Variants in IL1RAPL2 observed in about 807,000 individuals in gnomAD.
The protein encoded by IL1RAPL2 is interleukin 1 receptor accessory protein like 2.
A neutral mutation model predicts 44.1 loss-of-function variants in IL1RAPL2; 3 were observed. The ratio of observed to expected loss-of-function variants is 0.07; its 90% CI spans 0.03 to 0.18. The LOEUF (loss-of-function observed/expected upper bound fraction) is 0.18. Ranked by LOEUF, IL1RAPL2 falls within the 10% of genes least tolerant of loss-of-function variation. The pLI is 1.00. For missense variants in IL1RAPL2, 391 were observed against 496.4 expected, an observed-to-expected ratio of 0.79 and a Z score of 2.02; for synonymous variants, 181 against 178.8, an observed-to-expected ratio of 1.01 and a Z score of -0.10.
intron 6 of IL1RAPL2, chrX:105,676,298 G>A (rs1443349615): frequency 1.8e-5 from 2 of 111,833 alleles, no homozygotes; most frequent in African/African-American, 6.5e-5. Flanking sequence ...CCAGACTAGA[G>A]CTCATTCACA....
intron 2 of IL1RAPL2, among the ~76,000 whole-genome samples, chrX:104,984,716 A>G (rs986933292): frequency 8.9e-6 from 1 of 112,260 alleles, no homozygotes; most frequent in African/African-American, 3.2e-5. Context: ...CAACCTAAAA[A>G]TATGTTTCAA....
chrX:105,587,499 A>G (rs964432468), intron 6 of IL1RAPL2, among the ~76,000 whole-genome samples: 7 of 110,763 alleles, frequency 6.3e-5, no homozygotes, highest in African/African-American at 2.3e-4. Context: ...TCAATTTTTA[A>G]TAGTTTACTA....
In IL1RAPL2 at chrX:105,447,108, A is replaced by AT. The variant is rs2035963967; in HGVS notation, c.698-37205_698-37204insT. Among the ~76,000 whole-genome samples, 163 of 20,564 alleles carry AT rather than the reference A, an allele frequency of 7.9e-3. 10 individuals carry two copies. The highest frequency in any genetic ancestry group is 0.028 in the African/African-American group (116 of 4,208). 17.9% of individuals were successfully genotyped at this position (20,564 alleles called of 115,157 possible). On this transcript the variant is annotated intron_variant, in intron 5 of 10. Coordinates refer to ENST00000372582, the MANE Select transcript of IL1RAPL2 (RefSeq NM_017416.2). ...ATATATATATATATATATATATATAAAAATATATATAAATATAAATATATA... is the reference window on the plus strand; with the variant it reads ...ATATATATATATATATATATATATAATAAATATATATAAATATAAATATATA...
In IL1RAPL2 at chrX:105,219,146, G is replaced by T. The variant is rs181818019; in HGVS notation, c.357-14672G>T. ...GGGTGCTCCTGATGGTCTATTCTGT[G>T]GGGCCCCCCATCAGACCACAGGCTA... On this transcript the variant is annotated intron_variant, in intron 3 of 10. Transcript: ENST00000372582. 4 of 1,211,296 alleles carry T rather than the reference G, an allele frequency of 3.3e-6. No individual in the cohort carries two copies. The Admixed American group carries it at 8.7e-5, about 26-fold the overall frequency.
At chrX:104,987,777 A>G (rs905525535) in intron 2 of IL1RAPL2, among the ~76,000 whole-genome samples, 2 of 111,214 alleles carry the variant, frequency 1.8e-5, no homozygotes, top group Non-Finnish European at 3.8e-5. Flanking sequence ...GCTTTGTGAC[A>G]GCAAATACAA....
chrX:105,630,106 CCAAACT>C (rs201214543), intron 6 of IL1RAPL2, among the ~76,000 whole-genome samples: 473 of 111,393 alleles, frequency 4.2e-3, no homozygotes, highest in Middle Eastern at 9.2e-3. Context: ...AATAAGCAAT[CCAAACT>C]CAAACTCAAA....
Position 105,159,952 on chromosome X carries a change from G to C in IL1RAPL2, c.83-35523G>C, listed in dbSNP as rs765739822. On this transcript the variant is annotated intron_variant, in intron 2 of 10. Transcript: ENST00000372582. ...GGGTTAAGTGACTTGCGGTTACTCA[G>C]CTAATAATTAGATACAGCTGACTTA... Among the ~76,000 whole-genome samples the C allele has an allele frequency of 9.7e-4, 103 of 106,449 alleles. 1 individual carries two copies. The highest frequency in any genetic ancestry group is 3.6e-3 in the African/African-American group (101 of 28,326). 92.4% of individuals were successfully genotyped at this position (106,449 alleles called of 115,157 possible).
chrX:104,944,939 G>A (rs1304915409), intron 2 of IL1RAPL2, among the ~76,000 whole-genome samples: 1 of 111,584 alleles, frequency 9.0e-6, no homozygotes, highest in Non-Finnish European at 1.9e-5. Flanking sequence ...CCTTATTTCT[G>A]TTAACTGTAA....
chrX:104,804,822 TA>T (rs1040253346), intron 2 of IL1RAPL2, among the ~76,000 whole-genome samples: 1 of 112,754 alleles, frequency 8.9e-6, no homozygotes, highest in African/African-American at 3.2e-5. Context: ...GATGATCTAT[TA>T]AATTGGGTTT....
chrX:104,753,284 C>T (rs1255135046), intron 2 of IL1RAPL2, among the ~76,000 whole-genome samples: 1 of 110,393 alleles, frequency 9.1e-6, no homozygotes, highest in African/African-American at 3.3e-5. Flanking sequence ...AAACAATCTA[C>T]ACGAGGATTT....
At chrX:105,445,509 C>CT (rs762506976) in intron 5 of IL1RAPL2, among the ~76,000 whole-genome samples, 220 of 110,561 alleles carry the variant, frequency 2.0e-3, no homozygotes, top group Admixed American at 2.4e-3. Context: ...TGAAGTTTTT[C>CT]TTTTTTTGAT....
At chrX:104,943,517 A>G (rs12838631) in intron 2 of IL1RAPL2, among the ~76,000 whole-genome samples, 2 of 111,613 alleles carry the variant, frequency 1.8e-5, no homozygotes, top group African/African-American at 6.5e-5. Flanking sequence ...AGTCACCTTG[A>G]TTAATCTTCT....
At chrX:105,158,417 T>C (rs1297172483) in intron 2 of IL1RAPL2, among the ~76,000 whole-genome samples, 1 of 112,264 alleles carries the variant, frequency 8.9e-6, no homozygotes, top group African/African-American at 3.2e-5. Flanking sequence ...TCTTCACATG[T>C]CCAAAACTGA....
chrX:104,944,840 C>T (rs1925300838), intron 2 of IL1RAPL2, among the ~76,000 whole-genome samples: 1 of 111,560 alleles, frequency 9.0e-6, no homozygotes, highest in South Asian at 3.7e-4. Context: ...CTGGACGAAG[C>T]ACAGGTTTCT....
At chrX:105,020,320 C>T (rs1304892687) in intron 2 of IL1RAPL2, among the ~76,000 whole-genome samples, 1 of 111,443 alleles carries the variant, frequency 9.0e-6, no homozygotes, top group African/African-American at 3.3e-5. Context: ...ACTTAATTTC[C>T]TTCTCTGTAA....
chrX:104,803,723 C>T (rs1020513965), intron 2 of IL1RAPL2, among the ~76,000 whole-genome samples: 1 of 112,578 alleles, frequency 8.9e-6, no homozygotes, highest in African/African-American at 3.2e-5. Context: ...ATCCATTCTT[C>T]CTGATTTCAT....
At chrX:105,400,548 T>G (rs1217152571) in intron 5 of IL1RAPL2, among the ~76,000 whole-genome samples, 1 of 111,658 alleles carries the variant, frequency 9.0e-6, no homozygotes, top group Admixed American at 9.6e-5. Flanking sequence ...CAAGATATAC[T>G]GAGCCATGAA....
chrX:105,439,509 T>C (rs764303178), intron 5 of IL1RAPL2, among the ~76,000 whole-genome samples: 28 of 73,629 alleles, frequency 3.8e-4, no homozygotes, highest in African/African-American at 1.5e-3. Flanking sequence ...AATATAACTT[T>C]TGCTGTACAA....
chrX:105,735,692 T>C (rs1449268176), intron 7 of IL1RAPL2, among the ~76,000 whole-genome samples: 4 of 111,694 alleles, frequency 3.6e-5, no homozygotes, highest in African/African-American at 1.3e-4. Context: ...TTATTCTTTC[T>C]GTAATTTTCT....
Sources: allele counts gnomAD v4.1 joint callset (sites outside exome capture counted in the v4.1 genomes callset), GRCh38; gene constraint gnomAD v4.1.1; transcripts MANE v1.5; gene names NCBI Gene and HGNC (gene_info 2026-07-23, HGNC 2026-07-21).